Variants in PTGIS observed in about 807,000 individuals in gnomAD.
The protein encoded by PTGIS is prostaglandin I2 synthase, also known as prostacyclin synthase.
In PTGIS, 45 loss-of-function variants were observed where a neutral mutation model predicts 50.3. The observed-to-expected ratio is 0.90, with a 90% CI of 0.70 to 1.15. PTGIS has a LOEUF of 1.15. Ranked by LOEUF, PTGIS falls within the 50% of genes most tolerant of loss-of-function variation. The pLI, the probability that PTGIS is intolerant of heterozygous loss-of-function variation, is 0.00. For synonymous variants in PTGIS, 260 were observed against 267.7 expected (o/e 0.97, Z 0.28); for missense variants, 668 against 661.3 (o/e 1.01, Z -0.11).
At chr20:49,523,022 CA>C (rs1981693259) in intron 6 of PTGIS, among the ~76,000 whole-genome samples, 1 of 151,542 alleles carries the variant, frequency 6.6e-6, no homozygotes, top group African/African-American at 2.4e-5. Flanking sequence ...GACTCCATCT[CA>C]AAAAAATAAA....
At position 49,513,121 on chromosome 20, in the gene PTGIS, G is replaced by C. The variant is rs762753206; in HGVS notation, c.1165C>G (p.Leu389Val). The change falls in exon 8 of 10, where the codon CTG becomes GTG. Residue 389 changes from leucine (L) to valine (V), a missense_variant. Transcript: ENST00000244043. The part of the protein sequence containing the change: ...RGDRLLLFPF[L>V]SPQRDPEIYT... ...ATTTCTGGGTCTCTCTGGGGGCTCA[G>C]GAAGGGGAAGAGGAGGAGGCGGTCA... is the stretch of plus-strand genomic sequence containing the variant. 5.0e-6 allele frequency: 8 copies of C among 1,610,364 alleles called. No homozygotes were observed. The highest frequency in any genetic ancestry group is 6.8e-6 in the Non-Finnish European group (8 of 1,178,532).
intron 1 of PTGIS, among the ~76,000 whole-genome samples, chr20:49,555,889 G>A (rs112226061): frequency 0.041 from 6,283 of 152,188 alleles, 420 homozygotes; most frequent in African/African-American, 0.14. Context: ...ATTGGAATAG[G>A]GAGAAAAACT....
At chr20:49,558,927 G>A (rs1301344713) in intron 1 of PTGIS, among the ~76,000 whole-genome samples, 1 of 152,028 alleles carries the variant, frequency 6.6e-6, no homozygotes, top group Non-Finnish European at 1.5e-5. Context: ...TGGTCAGGCT[G>A]GTCTCGAACT....
rs1981115250 is a variant in PTGIS, at chr20:49,505,174, G to C, written c.*2746C>G. 7.0e-6 allele frequency: 1 copy of C among 142,286 alleles called. No homozygotes were observed. Among genetic ancestry groups the C allele is most frequent in the Non-Finnish European group, 1.5e-5 (1 of 65,358 alleles). 8.8% of individuals were successfully genotyped at this position (142,286 alleles called of 1,614,324 possible). On this transcript the variant is annotated 3_prime_UTR_variant, in exon 10 of 10. Transcript: ENST00000244043. ...TCATTCTTGCCACTGAGCTTAAAAAGAAAGAAAGAAAGAAAGAGTATTCCT... is the reference window on the plus strand; with the variant it reads ...TCATTCTTGCCACTGAGCTTAAAAACAAAGAAAGAAAGAAAGAGTATTCCT...
chr20:49,525,596 T>TAA (rs772604371), intron 5 of PTGIS, among the ~76,000 whole-genome samples: 5 of 151,260 alleles, frequency 3.3e-5, no homozygotes, highest in Admixed American at 1.3e-4. Context: ...TTTTTTTTTT[T>TAA]AAAATATTTT....
chr20:49,547,530 T>A (rs1427117272), intron 3 of PTGIS, among the ~76,000 whole-genome samples: 1 of 150,916 alleles, frequency 6.6e-6, no homozygotes, highest in African/African-American at 2.4e-5. Context: ...AGCTAGGGAG[T>A]GATGGGGCTG....
At chr20:49,517,827 T>C (rs1471540696) in intron 6 of PTGIS, among the ~76,000 whole-genome samples, 1 of 152,202 alleles carries the variant, frequency 6.6e-6, no homozygotes, top group Admixed American at 6.5e-5. Context: ...AGCACCCCAC[T>C]TTCCTTCAAA....
rs956779704 is a variant in PTGIS, at chr20:49,503,926, G to A, written c.*3994C>T. On this transcript the variant is annotated 3_prime_UTR_variant, in exon 10 of 10. Transcript: ENST00000244043. Reference sequence around the variant, plus strand: ...TTTCAGCATGTTTCCACTTGACAATGTTATACGAAAATAGAATCTTTATTA... The same window carrying A: ...TTTCAGCATGTTTCCACTTGACAATATTATACGAAAATAGAATCTTTATTA... The A allele has an allele frequency of 6.6e-6, 1 of 152,264 alleles. No homozygotes were observed. The allele number at this position is 152,264 out of a possible 1,614,324, so 9.4% of individuals were successfully genotyped here. A position where few individuals can be genotyped will look rare whatever the true frequency, so the allele number is the denominator to read the frequency against.
At chr20:49,545,031 G>A (rs546156708) in intron 3 of PTGIS, among the ~76,000 whole-genome samples, 39 of 152,288 alleles carry the variant, frequency 2.6e-4, no homozygotes, top group Non-Finnish European at 3.4e-4. Flanking sequence ...CAGCACTCTG[G>A]GAGGCCAAGG....
At position 49,511,103 on chromosome 20, in the gene PTGIS, T is replaced by C. The variant is rs764727409; in HGVS notation, c.1283A>G (p.Lys428Arg). 8 of 1,614,234 alleles carry C rather than the reference T, an allele frequency of 5.0e-6. No homozygotes were observed. The South Asian group carries it at 8.8e-5, about 18-fold the overall frequency. ...CGCCCCCCAGGGCATGTTGTAATTCTTCAGCCGTTTCCCATCCTTGTAAAA... is the reference window on the plus strand; with the variant it reads ...CGCCCCCCAGGGCATGTTGTAATTCCTCAGCCGTTTCCCATCCTTGTAAAA... ...KDFYKDGKRLKNYNMPWGAGH... is the reference protein window; with the variant it reads ...KDFYKDGKRLRNYNMPWGAGH... The change falls in exon 9 of 10, where the codon AAG (lysine) becomes AGG (arginine). Residue 428 changes from lysine (K) to arginine (R), a missense_variant. Physicochemically the swap from Lys to Arg is conservative, Grantham distance 26. Transcript: ENST00000244043.
intron 6 of PTGIS, 90 bp downstream of exon 6, chr20:49,523,968 C>T: frequency 6.7e-7 from 1 of 1,486,078 alleles, no homozygotes; most frequent in Non-Finnish European, 9.3e-7. Flanking sequence ...TGCACACCTG[C>T]ACAGGTGCAC....
chr20:49,549,700 C>T (rs929729431), intron 2 of PTGIS, among the ~76,000 whole-genome samples: 3 of 151,992 alleles, frequency 2.0e-5, no homozygotes, highest in Non-Finnish European at 4.4e-5. Context: ...GATGGAAGGA[C>T]GCTTAGTAGA....
At chr20:49,513,804 A>G (rs1447260172) in intron 7 of PTGIS, among the ~76,000 whole-genome samples, 1 of 152,178 alleles carries the variant, frequency 6.6e-6, no homozygotes, top group Non-Finnish European at 1.5e-5. Flanking sequence ...TAAGAGATTC[A>G]GAGTCTCACA....
intron 4 of PTGIS, 26 bp from the exon 5 acceptor site, chr20:49,539,747 G>C: frequency 6.2e-7 from 1 of 1,601,618 alleles, no homozygotes; most frequent in Non-Finnish European, 8.5e-7. Context: ...AGAGGGTCAG[G>C]GGTCCTCCTG....
At chr20:49,565,955 C>T (rs969430185) in intron 1 of PTGIS, among the ~76,000 whole-genome samples, 2 of 152,198 alleles carry the variant, frequency 1.3e-5, no homozygotes, top group East Asian at 1.9e-4. Flanking sequence ...CTCAGCAGGG[C>T]GCGGTGACTC....
chr20:49,558,230 A>AG (rs1982669182), intron 1 of PTGIS, among the ~76,000 whole-genome samples: 1 of 152,184 alleles, frequency 6.6e-6, no homozygotes, highest in Non-Finnish European at 1.5e-5. Context: ...CTCTACAAAA[A>AG]ATACAAAAAT....
Position 49,514,373 on chromosome 20 carries a change from A to G in PTGIS, c.878T>C (p.Phe293Ser), listed in dbSNP as rs780693121. ...CTTGAGAAGGAAGAGCAGGAGCCAG[A>G]AGGCAGCGGGACCCATATTCCCCTG... Reference protein sequence around the residue: ...ATQGNMGPAAFWLLLFLLKNP... With the variant: ...ATQGNMGPAASWLLLFLLKNP... The change falls in exon 7 of 10, where the codon TTC becomes TCC. Residue 293 changes from phenylalanine (F) to serine (S), a missense_variant. Coordinates refer to ENST00000244043, the MANE Select transcript of PTGIS (RefSeq NM_000961.4). The G allele has an allele frequency of 5.6e-6, 9 of 1,613,830 alleles. No homozygotes were observed. In the African/African-American group the frequency reaches 1.2e-4, roughly 22 times the overall value.
At chr20:49,518,098 C>T (rs1465807736) in intron 6 of PTGIS, among the ~76,000 whole-genome samples, 1 of 152,242 alleles carries the variant, frequency 6.6e-6, no homozygotes, top group Non-Finnish European at 1.5e-5. Flanking sequence ...GGGGGAGACC[C>T]TCTGAGGATG....
chr20:49,558,962 C>T (rs747534442), intron 1 of PTGIS, among the ~76,000 whole-genome samples: 16 of 152,078 alleles, frequency 1.1e-4, no homozygotes, highest in Non-Finnish European at 2.1e-4. Context: ...ATCCACCTGC[C>T]TCCGCTTCAC....
Sources: allele counts gnomAD v4.1 joint callset (sites outside exome capture counted in the v4.1 genomes callset), GRCh38; gene constraint gnomAD v4.1.1; transcripts MANE v1.5; gene names NCBI Gene and HGNC (gene_info 2026-07-23, HGNC 2026-07-21).